Variants in PRLR observed in about 807,000 individuals in gnomAD.
PRLR encodes the protein prolactin receptor, also known as hPRL receptor.
In PRLR, 13 loss-of-function variants were observed where a neutral mutation model predicts 40.2. That is an observed-to-expected ratio of 0.32 (90% CI 0.21 to 0.51). The LOEUF (loss-of-function observed/expected upper bound fraction) is 0.51. PRLR is among the 20% of genes least tolerant of loss of function. The pLI is 0.97. For missense variants in PRLR, 656 were observed against 747.3 expected, an observed-to-expected ratio of 0.88 and a Z score of 1.42; for synonymous variants, 269 against 278.7, an observed-to-expected ratio of 0.97 and a Z score of 0.35.
At chr5:35,184,149 T>C (rs574584498) in intron 1 of PRLR, among the ~76,000 whole-genome samples, 5 of 152,332 alleles carry the variant, frequency 3.3e-5, no homozygotes, top group Admixed American at 6.5e-5. Context: ...TTGAGATTCA[T>C]GATAGTTGGC....
chr5:35,092,111 C>T (rs141358985), intron 2 of PRLR, among the ~76,000 whole-genome samples: 38 of 152,222 alleles, frequency 2.5e-4, no homozygotes, highest in African/African-American at 8.7e-4. Flanking sequence ...TTCTCATGTG[C>T]TAGTACAGGA....
In PRLR at chr5:35,124,288, A is replaced by G. The variant is rs535182276; in HGVS notation, c.-105-6166T>C. ...ATATTACAAGGCAAAGTAGCTTTTT[A>G]ATTTTAAGGCCCACCAGTCAATAGA... On this transcript the variant is annotated intron_variant, in intron 1 of 9. Coordinates refer to ENST00000618457, the MANE Select transcript of PRLR (RefSeq NM_000949.7). Among the ~76,000 whole-genome samples the G allele has an allele frequency of 3.9e-5, 6 of 152,312 alleles. No homozygotes were observed. The South Asian group carries it at 1.2e-3, about 32-fold the overall frequency.
exon 9 of PRLR, chr5:35,049,210 G>A (rs1444274459): frequency 2.9e-6 from 2 of 701,664 alleles, no homozygotes; most frequent in South Asian, 1.5e-5. Context: ...ATCTCCCTGG[G>A]GTGCACAGTC....
chr5:35,149,411 G>A (rs1277881652), intron 1 of PRLR, among the ~76,000 whole-genome samples: 1 of 152,042 alleles, frequency 6.6e-6, no homozygotes, highest in Non-Finnish European at 1.5e-5. Flanking sequence ...TAATAATATT[G>A]TTATTAATAA....
chr5:35,166,284 C>T (rs757832156), intron 1 of PRLR, among the ~76,000 whole-genome samples: 4 of 152,146 alleles, frequency 2.6e-5, no homozygotes, highest in Non-Finnish European at 4.4e-5. Context: ...CGTGTTATAG[C>T]CCTTTCACAT....
At chr5:35,145,686 C>T (rs1244349295) in intron 1 of PRLR, among the ~76,000 whole-genome samples, 1 of 152,220 alleles carries the variant, frequency 6.6e-6, no homozygotes, top group African/African-American at 2.4e-5. Flanking sequence ...ACCTTTGCAT[C>T]TCTAAAACTT....
Position 35,196,584 on chromosome 5 carries a change from A to G in PRLR, c.-106+33684T>C, listed in dbSNP as rs530267583. Among the ~76,000 whole-genome samples the G allele has an allele frequency of 2.0e-5, 3 of 152,324 alleles. No homozygotes were observed. The South Asian group carries it at 6.2e-4, about 32-fold the overall frequency. ...TGAGCACAAGCAGGACAAGAAAGTT[A>G]GCTAGTAGGAACTGCCTCCTTGGGA... is the stretch of plus-strand genomic sequence containing the variant. On this transcript the variant is annotated intron_variant, in intron 1 of 9. Transcript: ENST00000618457.
chr5:35,097,231 C>T (rs972515118), intron 2 of PRLR, among the ~76,000 whole-genome samples: 19 of 152,256 alleles, frequency 1.2e-4, no homozygotes, highest in Non-Finnish European at 2.5e-4. Context: ...TCAGCAAACC[C>T]TTGTATAGAA....
intron 1 of PRLR, among the ~76,000 whole-genome samples, chr5:35,124,388 G>A (rs1773389271): frequency 6.6e-6 from 1 of 151,980 alleles, no homozygotes. Flanking sequence ...CTTATGCTGA[G>A]ACAACGTAAA....
rs1439005563 is a variant in PRLR at position 35,175,160 on chromosome 5, A to G, written c.-106+55108T>C. Among the ~76,000 whole-genome samples the G allele has an allele frequency of 5.9e-5, 9 of 152,278 alleles. No individual in the cohort carries two copies. In the East Asian group the frequency reaches 1.7e-3, roughly 29 times the overall value. On this transcript the variant is annotated intron_variant, in intron 1 of 9. Coordinates refer to ENST00000618457, the MANE Select transcript of PRLR (RefSeq NM_000949.7). Reference sequence around the variant, plus strand: ...ACCCAAATCTCATCTTGTAGCCCCCATAATGCGCACGTGTTGTGGGAGGGA... The same window carrying G: ...ACCCAAATCTCATCTTGTAGCCCCCGTAATGCGCACGTGTTGTGGGAGGGA...
At chr5:35,185,880 G>C (rs983189430) in intron 1 of PRLR, among the ~76,000 whole-genome samples, 3 of 152,138 alleles carry the variant, frequency 2.0e-5, no homozygotes, top group African/African-American at 4.8e-5. Flanking sequence ...TCAGACTATG[G>C]GGAGCAAGAT....
intron 1 of PRLR, among the ~76,000 whole-genome samples, chr5:35,168,495 A>G (rs932604616): frequency 7.2e-5 from 11 of 152,276 alleles, no homozygotes; most frequent in Middle Eastern, 6.8e-3. Context: ...GAAGTCATAC[A>G]GAACATGCAT....
At position 35,056,796 on chromosome 5, in the gene PRLR, T is replaced by C. The variant is rs1243633033; in HGVS notation, c.*8293A>G. On this transcript the variant is annotated 3_prime_UTR_variant, in exon 10 of 10. Coordinates refer to ENST00000618457, the MANE Select transcript of PRLR (RefSeq NM_000949.7). ...AATATAAGCACAGGAGAGCCAGCGT[T>C]TCTGTGACTGAAGCCAAGTTTTTTA... The C allele has an allele frequency of 2.0e-5, 3 of 152,154 alleles. No individual in the cohort carries two copies. Among genetic ancestry groups the C allele is most frequent in the Non-Finnish European group, 2.9e-5 (2 of 68,026 alleles). 9.4% of individuals were successfully genotyped at this position (152,154 alleles called of 1,614,324 possible).
chr5:35,135,811 AT>A (rs1338577241), intron 1 of PRLR, among the ~76,000 whole-genome samples: 1 of 152,134 alleles, frequency 6.6e-6, no homozygotes, highest in Non-Finnish European at 1.5e-5. Context: ...TCTGGGTGAC[AT>A]TGACTCCCTA....
chr5:35,082,597 A>G (rs184096095), intron 5 of PRLR, among the ~76,000 whole-genome samples: 1 of 152,336 alleles, frequency 6.6e-6, no homozygotes, highest in East Asian at 1.9e-4. Context: ...GGAAGAAAAA[A>G]CAGCTCCCAG....
chr5:35,105,016 CG>C (rs2111580627), intron 2 of PRLR, among the ~76,000 whole-genome samples: 1 of 152,232 alleles, frequency 6.6e-6, no homozygotes, highest in South Asian at 2.1e-4. Flanking sequence ...CCCTCTGAGA[CG>C]AAGTTTCCAG....
At chr5:35,135,163 T>C (rs2962097) in intron 1 of PRLR, 33,642 of 151,566 alleles carry the variant, frequency 0.22, 7,032 homozygotes, top group African/African-American at 0.55. Context: ...TACTTCTTTA[T>C]CATTCAGTCC....
At chr5:35,137,246 G>T (rs1773887255) in intron 1 of PRLR, among the ~76,000 whole-genome samples, 1 of 152,226 alleles carries the variant, frequency 6.6e-6, no homozygotes, top group Non-Finnish European at 1.5e-5. Flanking sequence ...GACCACATGG[G>T]TTGTAAGTGA....
intron 1 of PRLR, among the ~76,000 whole-genome samples, chr5:35,227,677 C>T (rs1199827142): frequency 5.3e-5 from 8 of 152,196 alleles, no homozygotes; most frequent in Admixed American, 2.0e-4. Context: ...TTCATTGCTA[C>T]ATCATCTGAC....
Sources: allele counts gnomAD v4.1 joint callset (sites outside exome capture counted in the v4.1 genomes callset), GRCh38; gene constraint gnomAD v4.1.1; transcripts MANE v1.5; gene names NCBI Gene and HGNC (gene_info 2026-07-23, HGNC 2026-07-21).